TGFA: variants seen among roughly 807,000 people sequenced by gnomAD.
The protein encoded by TGFA is protransforming growth factor alpha.
A neutral mutation model predicts 21.7 loss-of-function variants in TGFA; 12 were observed. The ratio of observed to expected loss-of-function variants is 0.55; its 90% CI spans 0.35 to 0.90. The LOEUF (loss-of-function observed/expected upper bound fraction) is 0.90. Among genes scored for constraint, TGFA ranks in the 40% least tolerant of loss-of-function variants. The pLI is 0.01. For synonymous variants in TGFA, 79 were observed against 88.1 expected (o/e 0.90, Z 0.58); for missense variants, 178 against 210.8 (o/e 0.84, Z 0.96).
At position 70,504,469 on chromosome 2, in the gene TGFA, C is replaced by CATATATAT. The variant is rs1230209696; in HGVS notation, c.94+10389_94+10390insATATATAT. ...ATATATATATATATATATATACACA[C>CATATATAT]ATACATACATACATACACACACACA... On this transcript the variant is annotated intron_variant, in intron 2 of 5. Coordinates refer to ENST00000295400, the MANE Select transcript of TGFA (RefSeq NM_003236.4). 1.0e-3 allele frequency among the ~76,000 whole-genome samples: 83 copies of CATATATAT among 80,610 alleles called. 1 individual carries two copies. The highest frequency in any genetic ancestry group is 9.7e-3 in the East Asian group (25 of 2,582). The allele number at this position is 80,610 out of a possible 152,430, so 52.9% of individuals were successfully genotyped here. A position where few individuals can be genotyped will look rare whatever the true frequency, so the allele number is the denominator to read the frequency against.
chr2:70,470,050 A>T (rs1005779561), intron 2 of TGFA, among the ~76,000 whole-genome samples: 51 of 151,836 alleles, frequency 3.4e-4, no homozygotes, highest in Non-Finnish European at 6.3e-4. Context: ...AAACAGCGAG[A>T]AGGAGAGAGA....
chr2:70,456,612 C>T, intron 3 of TGFA, 124 bp from the exon 4 acceptor site: 1 of 1,230,178 alleles, frequency 8.1e-7, no homozygotes, highest in Non-Finnish European at 1.1e-6. Context: ...GCCCTGCCAG[C>T]TTTTGCAATT....
intron 2 of TGFA, among the ~76,000 whole-genome samples, chr2:70,504,461 TATAC>T (rs1481413923): frequency 3.1e-4 from 20 of 65,164 alleles, no homozygotes; most frequent in African/African-American, 6.2e-4. Context: ...TATATATATA[TATAC>T]ACACATACAT....
intron 1 of TGFA, among the ~76,000 whole-genome samples, chr2:70,547,932 A>G (rs1437607479): frequency 1.3e-5 from 2 of 150,944 alleles, no homozygotes; most frequent in Non-Finnish European, 2.9e-5. Flanking sequence ...CTAAAACAAA[A>G]TGTGAATCAG....
chr2:70,450,949 A>G, intron 5 of TGFA, 83 bp from the exon 6 acceptor site: 2 of 1,513,342 alleles, frequency 1.3e-6, no homozygotes, highest in Non-Finnish European at 9.1e-7. Context: ...AGAGACTTGG[A>G]GATGGCAGAG....
At chr2:70,479,799 CTGTTTCTTACT>C (rs1671055762) in intron 2 of TGFA, among the ~76,000 whole-genome samples, 1 of 152,112 alleles carries the variant, frequency 6.6e-6, no homozygotes, top group East Asian at 1.9e-4. Flanking sequence ...CTCTTTGTAG[CTGTTTCTTACT>C]TGTTTCATAG....
At chr2:70,510,280 G>T (rs1322354975) in intron 2 of TGFA, among the ~76,000 whole-genome samples, 1 of 152,184 alleles carries the variant, frequency 6.6e-6, no homozygotes, top group Non-Finnish European at 1.5e-5. Context: ...AAAGCATCTA[G>T]TTCCAAGAAA....
At chr2:70,521,249 A>G (rs1406463150) in intron 1 of TGFA, among the ~76,000 whole-genome samples, 1 of 152,160 alleles carries the variant, frequency 6.6e-6, no homozygotes, top group African/African-American at 2.4e-5. Flanking sequence ...TTTAGCATGC[A>G]TAACCTGATC....
intron 2 of TGFA, among the ~76,000 whole-genome samples, chr2:70,491,452 A>G (rs1671432255): frequency 6.6e-6 from 1 of 152,058 alleles, no homozygotes; most frequent in Admixed American, 6.6e-5. Flanking sequence ...AGGAAAGCCC[A>G]CTCCACTCAA....
intron 1 of TGFA, among the ~76,000 whole-genome samples, chr2:70,538,372 C>T (rs1229317390): frequency 6.6e-6 from 1 of 152,144 alleles, no homozygotes; most frequent in Non-Finnish European, 1.5e-5. Context: ...AATGCTATTG[C>T]TGCCACAGAT....
intron 2 of TGFA, among the ~76,000 whole-genome samples, chr2:70,509,338 T>C (rs1672023133): frequency 6.6e-6 from 1 of 152,234 alleles, no homozygotes; most frequent in South Asian, 2.1e-4. Flanking sequence ...ACGTTCTACC[T>C]GTTTTCCAAA....
At chr2:70,529,595 G>T (rs848963) in intron 1 of TGFA, among the ~76,000 whole-genome samples, 5,960 of 144,200 alleles carry the variant, frequency 0.041, 417 homozygotes, top group African/African-American at 0.16. Context: ...GAATCCCCCC[G>T]CCCCAGTCCT....
At chr2:70,512,420 G>A (rs1672130967) in intron 2 of TGFA, among the ~76,000 whole-genome samples, 1 of 152,170 alleles carries the variant, frequency 6.6e-6, no homozygotes, top group Admixed American at 6.5e-5. Context: ...CTGGACTTTA[G>A]AAGGTGTGGC....
chr2:70,493,046 C>T (rs1671480776), intron 2 of TGFA, among the ~76,000 whole-genome samples: 1 of 152,130 alleles, frequency 6.6e-6, no homozygotes, highest in Non-Finnish European at 1.5e-5. Flanking sequence ...ATATATTTAT[C>T]TTTCATATAT....
At chr2:70,503,345 G>A (rs1358400457) in intron 2 of TGFA, among the ~76,000 whole-genome samples, 7 of 146,532 alleles carry the variant, frequency 4.8e-5, no homozygotes, top group Non-Finnish European at 9.0e-5. Flanking sequence ...AACACCGCAT[G>A]TTCTCACTCA....
intron 2 of TGFA, among the ~76,000 whole-genome samples, chr2:70,466,483 C>A (rs1201451316): frequency 1.3e-5 from 2 of 152,082 alleles, no homozygotes; most frequent in Non-Finnish European, 2.9e-5. Context: ...ACTCTGCACT[C>A]CAGCCTGGGC....
At position 70,456,398 on chromosome 2, in the gene TGFA, G is replaced by A. The variant is rs142836881; in HGVS notation, c.306C>T (p.Ala102=). 1 of 1,585,958 alleles carries A rather than the reference G, an allele frequency of 6.3e-7. No homozygotes were observed. Among genetic ancestry groups the A allele is most frequent in the African/African-American group, 1.3e-5 (1 of 74,206 alleles). The part of the protein sequence containing the change: ...AASQKKQAIT[A]LVVVSIVALA... ...GGGCCACGATGGAGACCACCACCAA[G>A]GCGGTGATGGCCTGCTTCTTCTGGC... Residue 102 remains alanine, a synonymous_variant, in exon 4 of 6, where the codon GCC becomes GCT. Coordinates refer to ENST00000295400, the MANE Select transcript of TGFA (RefSeq NM_003236.4).
In TGFA at chr2:70,507,523, C is replaced by T. The variant is rs184966916; in HGVS notation, c.94+7336G>A. ...GGCTACATAGTAGCCTATCTGTCTA[C>T]CTGTTCCATAACTATTTTCCTCTTG... On this transcript the variant is annotated intron_variant, in intron 2 of 5. Coordinates refer to ENST00000295400, the MANE Select transcript of TGFA (RefSeq NM_003236.4). Among the ~76,000 whole-genome samples the T allele has an allele frequency of 1.9e-4, 29 of 152,334 alleles. No homozygotes were observed. In the East Asian group the frequency reaches 5.6e-3, roughly 29 times the overall value.
At chr2:70,529,312 T>A (rs1672740198) in intron 1 of TGFA, among the ~76,000 whole-genome samples, 1 of 152,182 alleles carries the variant, frequency 6.6e-6, no homozygotes, top group African/African-American at 2.4e-5. Context: ...ACTTGGACTC[T>A]CCTATTTGAG....
Sources: allele counts gnomAD v4.1 joint callset (sites outside exome capture counted in the v4.1 genomes callset), GRCh38; gene constraint gnomAD v4.1.1; transcripts MANE v1.5; gene names NCBI Gene and HGNC (gene_info 2026-07-23, HGNC 2026-07-21).